SNCAIP: variants seen among roughly 807,000 people sequenced by gnomAD.
SNCAIP encodes the protein synuclein alpha interacting protein.
Under a neutral mutation model 86.7 loss-of-function variants are expected in SNCAIP, and 43 were observed. The ratio of observed to expected loss-of-function variants is 0.50; its 90% CI spans 0.39 to 0.64. The LOEUF (loss-of-function observed/expected upper bound fraction) is 0.64. SNCAIP is among the 30% of genes least tolerant of loss of function. SNCAIP has a pLI of 0.00. For missense variants in SNCAIP, 981 were observed against 1,103.1 expected, an observed-to-expected ratio of 0.89 and a Z score of 1.57; for synonymous variants, 417 against 427.2, an observed-to-expected ratio of 0.98 and a Z score of 0.29.
rs889075937 is a variant in SNCAIP at position 122,441,136 on chromosome 5, A to G, written c.1422+382A>G. 3.5e-5 allele frequency: 8 copies of G among 231,694 alleles called. No homozygotes were observed. In the East Asian group the frequency reaches 8.3e-4, roughly 24 times the overall value. The allele number at this position is 231,694 out of a possible 1,614,324, so 14.4% of individuals were successfully genotyped here. A position where few individuals can be genotyped will look rare whatever the true frequency, so the allele number is the denominator to read the frequency against. On this transcript the variant is annotated intron_variant, in intron 7 of 10. Transcript: ENST00000261368. ...GCTCTTCCCCTAACTAGTAAATTTC[A>G]TCCTCCAGGTATATGAAGAATAAGA...
intron 1 of SNCAIP, among the ~76,000 whole-genome samples, chr5:122,330,225 C>A (rs866815766): frequency 6.7e-6 from 1 of 148,976 alleles, no homozygotes. Context: ...GGGTTCACGC[C>A]ATTGTCCTGC....
rs565644121 is a variant in SNCAIP at position 122,463,632 on chromosome 5, G to T, written c.*136G>T. ...CTTTGGAAATTATTGGAAATTTCTG[G>T]ACTATCCTCTTTGGAAAGAGAACCA... On this transcript the variant is annotated 3_prime_UTR_variant, in exon 11 of 11. Coordinates refer to ENST00000261368, the MANE Select transcript of SNCAIP (RefSeq NM_005460.4). The T allele has an allele frequency of 4.0e-5, 35 of 880,266 alleles. 1 individual carries two copies. In the Admixed American group the frequency reaches 4.6e-4, roughly 12 times the overall value. 54.5% of individuals were successfully genotyped at this position (880,266 alleles called of 1,614,324 possible). A position where few individuals can be genotyped will look rare whatever the true frequency, so the allele number is the denominator to read the frequency against.
chr5:122,414,437 G>T (rs961643679), intron 3 of SNCAIP, among the ~76,000 whole-genome samples: 3 of 151,876 alleles, frequency 2.0e-5, no homozygotes, highest in Non-Finnish European at 4.4e-5. Flanking sequence ...CACCATGTTG[G>T]CCAGGCTGGT....
intron 1 of SNCAIP, among the ~76,000 whole-genome samples, chr5:122,382,078 A>T (rs1766956506): frequency 6.6e-6 from 1 of 151,978 alleles, no homozygotes; most frequent in Non-Finnish European, 1.5e-5. Flanking sequence ...CCTTAATTTG[A>T]ATGTTGGCCT....
chr5:122,438,877 A>G (rs1780142653), intron 6 of SNCAIP, among the ~76,000 whole-genome samples: 1 of 152,198 alleles, frequency 6.6e-6, no homozygotes, highest in Admixed American at 6.5e-5. Context: ...TGACCCATTG[A>G]AGAGAATTTG....
intron 4 of SNCAIP, 43 bp from the exon 5 acceptor site, chr5:122,425,309 C>T: frequency 6.6e-7 from 1 of 1,510,416 alleles, no homozygotes. Flanking sequence ...GGGTCTTGCT[C>T]TGATTTATTG....
In SNCAIP at chr5:122,355,891, G is replaced by A. The variant is rs143952957; in HGVS notation, c.-46-35198G>A. ...TGTCAAGAAATACGTTGTCAACTCC[G>A]AGGTTAAACACTTCAAAACAGCACT... On this transcript the variant is annotated intron_variant, in intron 1 of 10. Coordinates refer to ENST00000261368, the MANE Select transcript of SNCAIP (RefSeq NM_005460.4). Among the ~76,000 whole-genome samples, 54 of 152,226 alleles carry A rather than the reference G, an allele frequency of 3.5e-4. 1 individual carries two copies. The East Asian group carries it at 6.2e-3, about 17-fold the overall frequency.
chr5:122,391,363 A>C (rs1407721183), intron 2 of SNCAIP, among the ~76,000 whole-genome samples, 172 bp downstream of exon 2: 1 of 152,238 alleles, frequency 6.6e-6, no homozygotes, highest in Non-Finnish European at 1.5e-5. Context: ...CTCTTAGACC[A>C]AGAAGTGAAT....
intron 1 of SNCAIP, chr5:122,389,666 T>G (rs551655526): frequency 6.6e-6 from 1 of 152,240 alleles, no homozygotes; most frequent in African/African-American, 2.4e-5. Flanking sequence ...AAGTTGGTTT[T>G]CTTTTCATTG....
Position 122,450,523 on chromosome 5 carries a change from T to A in SNCAIP, c.1686-10T>A. The A allele has an allele frequency of 6.3e-7, 1 of 1,598,808 alleles. No individual in the cohort carries two copies. The highest frequency in any genetic ancestry group is 1.1e-5 in the South Asian group (1 of 90,790). On this transcript the variant is annotated splice_polypyrimidine_tract_variant and intron_variant, in intron 9 of 10. Coordinates refer to ENST00000261368, the MANE Select transcript of SNCAIP (RefSeq NM_005460.4). ...GAAATCATCTCATATGTCCTTCATC[T>A]TCTTTTTAGTTCACCATCCTCACCT... is the stretch of plus-strand genomic sequence containing the variant.
chr5:122,361,176 GA>G (rs749754936), intron 1 of SNCAIP, among the ~76,000 whole-genome samples: 4,624 of 87,468 alleles, frequency 0.053, 157 homozygotes, highest in African/African-American at 0.14. Flanking sequence ...AGTCATTTTT[GA>G]AAAAAAAAAA....
chr5:122,415,149 A>C (rs1775029429), intron 3 of SNCAIP, among the ~76,000 whole-genome samples: 1 of 152,220 alleles, frequency 6.6e-6, no homozygotes, highest in African/African-American at 2.4e-5. Flanking sequence ...GCCATTCATT[A>C]ATCCCAGGGC....
At chr5:122,424,893 G>A (rs909604328) in intron 4 of SNCAIP, among the ~76,000 whole-genome samples, 1 of 152,198 alleles carries the variant, frequency 6.6e-6, no homozygotes, top group Non-Finnish European at 1.5e-5. Context: ...ACTAGTAGCA[G>A]CAGTCATCAT....
Position 122,451,095 on chromosome 5 carries a change from C to G in SNCAIP, c.2248C>G (p.Pro750Ala), listed in dbSNP as rs779151788. The change falls in exon 10 of 11, where the codon CCC becomes GCC. Residue 750 changes from proline (P) to alanine (A), a missense_variant. Transcript: ENST00000261368. ...SKSLDGHSPS[P>A]TSESSEPDLE... is the part of the protein sequence containing the mutation. ...ATCCCTGGATGGCCACAGCCCATCT[C>G]CCACCTCAGAGAGCAGCGAACCAGA... 3.7e-6 allele frequency: 6 copies of G among 1,614,192 alleles called. No individual in the cohort carries two copies. Among genetic ancestry groups the G allele is most frequent in the Non-Finnish European group, 5.1e-6 (6 of 1,180,042 alleles).
chr5:122,368,854 C>G (rs968156057), intron 1 of SNCAIP, among the ~76,000 whole-genome samples: 2 of 152,184 alleles, frequency 1.3e-5, no homozygotes, highest in Non-Finnish European at 2.9e-5. Flanking sequence ...TGGCTGGTCA[C>G]AAAATCACTG....
chr5:122,461,588 T>C (rs1422846395), intron 10 of SNCAIP, among the ~76,000 whole-genome samples: 1 of 152,082 alleles, frequency 6.6e-6, no homozygotes, highest in Non-Finnish European at 1.5e-5. Flanking sequence ...AATCTTGCTA[T>C]TGAATTTTTT....
intron 1 of SNCAIP, among the ~76,000 whole-genome samples, chr5:122,335,046 T>C (rs1339052182): frequency 1.3e-5 from 2 of 152,170 alleles, no homozygotes; most frequent in African/African-American, 4.8e-5. Context: ...ACTAACATAG[T>C]TGAAAGGGTG....
At chr5:122,457,698 G>T (rs894238667) in intron 10 of SNCAIP, among the ~76,000 whole-genome samples, 1 of 152,130 alleles carries the variant, frequency 6.6e-6, no homozygotes, top group Non-Finnish European at 1.5e-5. Flanking sequence ...AGCCTCGCCT[G>T]TAGTTTCAAA....
chr5:122,351,079 T>C (rs1264640349), intron 1 of SNCAIP, among the ~76,000 whole-genome samples: 2 of 152,224 alleles, frequency 1.3e-5, no homozygotes, highest in Admixed American at 6.5e-5. Context: ...ATTTTTCTAT[T>C]GATTCAGCAT....
Sources: allele counts gnomAD v4.1 joint callset (sites outside exome capture counted in the v4.1 genomes callset), GRCh38; gene constraint gnomAD v4.1.1; transcripts MANE v1.5; gene names NCBI Gene and HGNC (gene_info 2026-07-23, HGNC 2026-07-21).